KALRN: variants seen among roughly 807,000 people sequenced by gnomAD.
KALRN encodes the protein kalirin.
A neutral mutation model predicts 353.7 loss-of-function variants in KALRN; 70 were observed. The ratio of observed to expected loss-of-function variants is 0.20; its 90% confidence interval spans 0.16 to 0.24. The LOEUF is 0.24. Among genes scored for constraint, KALRN ranks in the 10% least tolerant of loss-of-function variants. The pLI is 1.00. For missense variants in KALRN, 2,791 were observed against 3,756.7 expected (o/e 0.74, Z 6.72); for synonymous variants, 1,391 against 1,434.8 (o/e 0.97, Z 0.69).
At chr3:124,158,610 C>T (rs770332426) in intron 1 of KALRN, among the ~76,000 whole-genome samples, 19 of 152,204 alleles carry the variant, frequency 1.2e-4, no homozygotes, top group Non-Finnish European at 2.2e-4. Context: ...AAAGCAATCC[C>T]TGACATGCCC....
chr3:124,409,086 T>C (rs377094954), intron 13 of KALRN, among the ~76,000 whole-genome samples: 3 of 152,204 alleles, frequency 2.0e-5, no homozygotes, highest in African/African-American at 7.2e-5. Context: ...ATTGTTAGAA[T>C]AGAAATATTG....
chr3:124,577,522 C>T (rs1318833298), intron 34 of KALRN, among the ~76,000 whole-genome samples: 1 of 152,156 alleles, frequency 6.6e-6, no homozygotes, highest in Non-Finnish European at 1.5e-5. Flanking sequence ...TTTTTCTGTA[C>T]ACCTTACTGT....
intron 9 of KALRN, among the ~76,000 whole-genome samples, chr3:124,342,227 G>A (rs1335145844): frequency 6.6e-6 from 1 of 151,910 alleles, no homozygotes; most frequent in Non-Finnish European, 1.5e-5. Flanking sequence ...TACGTAGATT[G>A]CGTAGTGGTA....
intron 10 of KALRN, among the ~76,000 whole-genome samples, chr3:124,368,873 A>G (rs1392022920): frequency 6.6e-6 from 1 of 152,242 alleles, no homozygotes; most frequent in Non-Finnish European, 1.5e-5. Flanking sequence ...CGGCCGGCCA[A>G]CACAGCGAAA....
chr3:124,308,258 A>C (rs2077900199), intron 6 of KALRN, among the ~76,000 whole-genome samples: 1 of 152,026 alleles, frequency 6.6e-6, no homozygotes, highest in South Asian at 2.1e-4. Flanking sequence ...TAATGGATGG[A>C]ACAAATTAGC....
rs1473708533 is a variant in KALRN at position 124,562,879 on chromosome 3, G to A, written c.4972G>A (p.Asp1658Asn). The part of the protein sequence containing the change: ...GGCELTVVLQ[D>N]FSAGHSSELT... ...ATGTGAGCTGACAGTGGTCCTCCAG[G>A]ACTTCAGTGCGGGCCACAGCAGTGA... The change falls in exon 34 of 60, where the codon GAC (aspartate) becomes AAC (asparagine). Residue 1658 changes from aspartate to asparagine, a missense_variant. This residue lies in a region of KALRN where 239 missense variants were observed against 351.3 expected (regional missense o/e 0.68). Transcript: ENST00000682506. 7.3e-7 allele frequency: 1 copy of A among 1,367,308 alleles called. No homozygotes were observed. The highest frequency in any genetic ancestry group is 1.5e-5 in the African/African-American group (1 of 67,720). 84.7% of individuals were successfully genotyped at this position (1,367,308 alleles called of 1,614,324 possible). A position where few individuals can be genotyped will look rare whatever the true frequency, so the allele number is the denominator to read the frequency against.
intron 57 of KALRN, among the ~76,000 whole-genome samples, chr3:124,703,947 G>C (rs1050022163): frequency 2.0e-5 from 3 of 152,122 alleles, no homozygotes; most frequent in African/African-American, 7.2e-5. Flanking sequence ...GGGATTACAG[G>C]TGTGAGCCAC....
intron 3 of KALRN, among the ~76,000 whole-genome samples, chr3:124,261,560 G>A (rs1258485018): frequency 2.0e-5 from 3 of 152,108 alleles, no homozygotes; most frequent in Non-Finnish European, 2.9e-5. Flanking sequence ...AACCTCCTAC[G>A]GAATATTAGG....
chr3:124,524,953 C>T (rs1242200515), intron 33 of KALRN, among the ~76,000 whole-genome samples: 1 of 152,220 alleles, frequency 6.6e-6, no homozygotes, highest in East Asian at 1.9e-4. Context: ...TAGAGGGGCT[C>T]AGCCTCTGAC....
intron 6 of KALRN, among the ~76,000 whole-genome samples, chr3:124,305,877 A>G (rs1479727914): frequency 6.6e-6 from 1 of 152,156 alleles, no homozygotes; most frequent in Non-Finnish European, 1.5e-5. Context: ...AAAAAAAAGG[A>G]GTAAAAATAT....
At chr3:124,248,266 C>T (rs1269359745) in intron 3 of KALRN, among the ~76,000 whole-genome samples, 1 of 152,218 alleles carries the variant, frequency 6.6e-6, no homozygotes, top group African/African-American at 2.4e-5. Flanking sequence ...CCCCCCCATA[C>T]TCCTTAGGGC....
At chr3:124,106,398 GTTGTGGGAGGGTGTTATTCTC>G (rs1274854477) in intron 1 of KALRN, among the ~76,000 whole-genome samples, 2 of 152,182 alleles carry the variant, frequency 1.3e-5, no homozygotes, top group Non-Finnish European at 2.9e-5. Context: ...ACCCTGTGAT[GTTGTGGGAGGGTGTTATTCTC>G]ATTGTATACA....
chr3:124,154,291 T>C (rs894332204), intron 1 of KALRN, among the ~76,000 whole-genome samples: 32 of 152,156 alleles, frequency 2.1e-4, no homozygotes, highest in African/African-American at 7.7e-4. Context: ...AAATAAAGGG[T>C]ATTCAATTAC....
intron 1 of KALRN, among the ~76,000 whole-genome samples, chr3:124,181,076 CA>C (rs60579271): frequency 0.042 from 2,298 of 55,254 alleles, 44 homozygotes; most frequent in African/African-American, 0.11. Context: ...ACTAAAAATA[CA>C]AAAAAAAAAA....
chr3:124,308,500 A>G (rs529984204), intron 6 of KALRN, among the ~76,000 whole-genome samples: 46 of 152,134 alleles, frequency 3.0e-4, no homozygotes, highest in African/African-American at 1.1e-3. Context: ...GAAATTAGAA[A>G]TCGGTAACAG....
At chr3:124,546,669 C>T (rs771529232) in intron 33 of KALRN, among the ~76,000 whole-genome samples, 11 of 152,100 alleles carry the variant, frequency 7.2e-5, no homozygotes, top group African/African-American at 1.9e-4. Flanking sequence ...GACCCAAAAG[C>T]GCCCAGTGTG....
chr3:124,055,557 T>A (rs2041453037), intron 1 of KALRN, among the ~76,000 whole-genome samples: 1 of 152,234 alleles, frequency 6.6e-6, no homozygotes. Context: ...CTATCTAGCA[T>A]GATTCTGGGC....
chr3:124,186,800 T>A (rs1474056041), intron 1 of KALRN, among the ~76,000 whole-genome samples: 2 of 152,228 alleles, frequency 1.3e-5, no homozygotes, highest in Non-Finnish European at 2.9e-5. Context: ...TTCCTTTGAC[T>A]TAAGATGTTT....
chr3:124,594,351 A>C (rs1468109627), intron 34 of KALRN, among the ~76,000 whole-genome samples: 1 of 152,090 alleles, frequency 6.6e-6, no homozygotes, highest in Non-Finnish European at 1.5e-5. Context: ...TCAGCCTCCC[A>C]AGTAGCTGGG....
Sources: allele counts gnomAD v4.1 joint callset (sites outside exome capture counted in the v4.1 genomes callset), GRCh38; gene constraint gnomAD v4.1.1; regional missense constraint gnomAD v4.1.1; transcripts MANE v1.5; gene names NCBI Gene and HGNC (gene_info 2026-07-23, HGNC 2026-07-21).